TAFA4: variants seen among roughly 807,000 people sequenced by gnomAD.
The protein encoded by TAFA4 is chemokine-like protein TAFA-4.
Under a neutral mutation model 21.1 loss-of-function variants are expected in TAFA4, and 20 were observed. The observed-to-expected ratio is 0.95, with a 90% CI of 0.67 to 1.38. TAFA4 has a LOEUF of 1.38. Ranked by LOEUF, TAFA4 falls within the 40% of genes most tolerant of loss-of-function variation. TAFA4 has a pLI of 0.00. For synonymous variants in TAFA4, 71 were observed against 67.4 expected, an observed-to-expected ratio of 1.05 and a Z score of -0.26; for missense variants, 211 against 180.9, an observed-to-expected ratio of 1.17 and a Z score of -0.95.
chr3:68,841,701 C>G (rs1388094958), intron 3 of TAFA4, among the ~76,000 whole-genome samples: 1 of 152,114 alleles, frequency 6.6e-6, no homozygotes, highest in African/African-American at 2.4e-5. Flanking sequence ...CCCCTACCCC[C>G]CAACCCCCTG....
chr3:68,909,115 C>A (rs1363475238), intron 1 of TAFA4, among the ~76,000 whole-genome samples: 1 of 152,142 alleles, frequency 6.6e-6, no homozygotes, highest in Non-Finnish European at 1.5e-5. Context: ...CCAAGTCGGG[C>A]TGCACAGCTC....
intron 3 of TAFA4, among the ~76,000 whole-genome samples, chr3:68,789,294 G>A (rs1470549056): frequency 6.6e-6 from 1 of 151,414 alleles, no homozygotes; most frequent in Non-Finnish European, 1.5e-5. Context: ...AGCACTAGTT[G>A]ACCATATATT....
intron 1 of TAFA4, among the ~76,000 whole-genome samples, chr3:68,887,717 T>C (rs891702810): frequency 2.6e-5 from 4 of 152,036 alleles, no homozygotes; most frequent in African/African-American, 9.7e-5. Context: ...GGGTGCTGCA[T>C]TGGAATTTGG....
chr3:68,885,075 G>T, intron 2 of TAFA4, 100 bp downstream of exon 2: 3 of 1,084,620 alleles, frequency 2.8e-6, no homozygotes, highest in South Asian at 1.5e-5. Flanking sequence ...GTAAAAGCAG[G>T]CTTCTAAAAC....
intron 3 of TAFA4, among the ~76,000 whole-genome samples, chr3:68,762,163 C>T (rs1168249579): frequency 1.3e-5 from 2 of 150,422 alleles, no homozygotes; most frequent in Non-Finnish European, 3.0e-5. Flanking sequence ...AAAAGATTAC[C>T]TCTATGTTAA....
rs375233822 is a variant in TAFA4, at chr3:68,771,090, A to AAATC, written c.131-18076_131-18073dup. Among the ~76,000 whole-genome samples, 602 of 152,164 alleles carry AAATC rather than the reference A, an allele frequency of 4.0e-3. 2 individuals are homozygous for AAATC. Among genetic ancestry groups the AAATC allele is most frequent in the Non-Finnish European group, 6.8e-3 (465 of 67,998 alleles). On this transcript the variant is annotated intron_variant, in intron 3 of 5. Coordinates refer to ENST00000295569, the MANE Select transcript of TAFA4 (RefSeq NM_182522.5). ...CCCTGGGTGGCCTGTGTCCAGGGAA[A>AAATC]AATCACCTTCTCACTCCATCCCCCT...
chr3:68,816,162 T>C (rs1703969466), intron 3 of TAFA4, among the ~76,000 whole-genome samples: 1 of 151,774 alleles, frequency 6.6e-6, no homozygotes. Flanking sequence ...CCGGGGCCTG[T>C]TGTGGAGTGG....
chr3:68,879,062 T>TA (rs1356468039), intron 3 of TAFA4, among the ~76,000 whole-genome samples: 1 of 152,102 alleles, frequency 6.6e-6, no homozygotes, highest in Non-Finnish European at 1.5e-5. Flanking sequence ...ATCCAAGCCA[T>TA]AAAAAGCATC....
intron 3 of TAFA4, among the ~76,000 whole-genome samples, chr3:68,813,854 AC>A (rs1703900221): frequency 6.6e-6 from 1 of 152,278 alleles, no homozygotes; most frequent in African/African-American, 2.4e-5. Context: ...CCTGGCAGAG[AC>A]ACAACAAAAA....
intron 1 of TAFA4, among the ~76,000 whole-genome samples, chr3:68,902,733 T>A (rs985900247): frequency 6.6e-6 from 1 of 152,142 alleles, no homozygotes; most frequent in Non-Finnish European, 1.5e-5. Context: ...TATTAACATG[T>A]TTCCCTTATA....
At chr3:68,813,278 A>G (rs1481329272) in intron 3 of TAFA4, among the ~76,000 whole-genome samples, 1 of 152,218 alleles carries the variant, frequency 6.6e-6, no homozygotes, top group Non-Finnish European at 1.5e-5. Context: ...GAGAAGCAAG[A>G]GCAAACACAT....
intron 1 of TAFA4, 115 bp from the exon 2 acceptor site, chr3:68,885,425 G>A: frequency 1.9e-6 from 1 of 532,404 alleles, no homozygotes; most frequent in Admixed American, 3.6e-5. Context: ...GCAGTTTCAG[G>A]CAAGTGGCAG....
chr3:68,780,588 A>G (rs1208830347), intron 3 of TAFA4, among the ~76,000 whole-genome samples: 2 of 152,232 alleles, frequency 1.3e-5, no homozygotes, highest in Non-Finnish European at 2.9e-5. Context: ...TGCTGCCATC[A>G]GTGTAAAATG....
At chr3:68,919,924 T>C (rs1369547943) in intron 1 of TAFA4, among the ~76,000 whole-genome samples, 4 of 152,224 alleles carry the variant, frequency 2.6e-5, no homozygotes, top group Non-Finnish European at 4.4e-5. Flanking sequence ...ACACACCCTC[T>C]GACCAGGCAA....
At chr3:68,779,284 T>C (rs1003880086) in intron 3 of TAFA4, among the ~76,000 whole-genome samples, 2 of 152,182 alleles carry the variant, frequency 1.3e-5, no homozygotes, top group Admixed American at 1.3e-4. Flanking sequence ...GGAAAACTTG[T>C]AGCCTGAAAA....
At chr3:68,843,583 CCT>C (rs1352840034) in intron 3 of TAFA4, among the ~76,000 whole-genome samples, 1 of 152,162 alleles carries the variant, frequency 6.6e-6, no homozygotes, top group Non-Finnish European at 1.5e-5. Context: ...AGAGGGCATC[CCT>C]GTCTTGTGCG....
chr3:68,779,365 G>C (rs1703110592), intron 3 of TAFA4, among the ~76,000 whole-genome samples: 2 of 152,212 alleles, frequency 1.3e-5, no homozygotes, highest in South Asian at 4.1e-4. Context: ...CATAAGTAAA[G>C]AGGAACCGAA....
chr3:68,734,255 T>C (rs1702201198), intron 5 of TAFA4, among the ~76,000 whole-genome samples: 1 of 152,178 alleles, frequency 6.6e-6, no homozygotes. Flanking sequence ...AACCCAGTCT[T>C]AGCTCATGGC....
intron 3 of TAFA4, among the ~76,000 whole-genome samples, chr3:68,768,028 G>A (rs1702888527): frequency 6.6e-6 from 1 of 151,872 alleles, no homozygotes; most frequent in Admixed American, 6.6e-5. Context: ...CACACAACTT[G>A]TTATAAGAAT....
Sources: gnomAD v4.1 joint callset for allele counts (sites outside exome capture counted in the v4.1 genomes callset) on GRCh38, gnomAD v4.1.1 for gene constraint, MANE v1.5 for transcripts, NCBI Gene and HGNC (gene_info 2026-07-23, HGNC 2026-07-21) for gene names.